IGSF9B: variants seen among roughly 807,000 people sequenced by gnomAD.
IGSF9B encodes immunoglobulin superfamily member 9B, also known as protein turtle homolog B.
IGSF9B carries 48 observed loss-of-function variants against 143.7 expected under a neutral mutation model. The observed-to-expected ratio is 0.33, with a 90% confidence interval of 0.26 to 0.42. IGSF9B has a LOEUF of 0.42. Among genes scored for constraint, IGSF9B ranks in the 20% least tolerant of loss-of-function variants. The pLI is 1.00. For missense variants in IGSF9B, 1,706 were observed against 1,980.0 expected, an observed-to-expected ratio of 0.86 and a Z score of 2.63; for synonymous variants, 903 against 833.1, an observed-to-expected ratio of 1.08 and a Z score of -1.44.
At chr11:133,915,757 C>T (rs1440958901) in intron 18 of IGSF9B, among the ~76,000 whole-genome samples, 1 of 152,210 alleles carries the variant, frequency 6.6e-6, no homozygotes, top group African/African-American at 2.4e-5. Context: ...TGACCCTGTT[C>T]AGGTGTTCCC....
At chr11:133,927,919 G>A (rs1445241578) in intron 12 of IGSF9B, among the ~76,000 whole-genome samples, 12 of 152,162 alleles carry the variant, frequency 7.9e-5, no homozygotes, top group Admixed American at 3.9e-4. Context: ...ATGAGGCAGC[G>A]GAAAGCAGTA....
Position 133,925,083 on chromosome 11 carries a change from T to C in IGSF9B, c.2035-179A>G, listed in dbSNP as rs1939600736. ...GCCAATTGCTGTGGTGTAAACACTC[T>C]TACAATGGCTGACTTCAAGCTACGA... On this transcript the variant is annotated intron_variant, in intron 14 of 19. Coordinates refer to ENST00000533871, the MANE Select transcript of IGSF9B (RefSeq NM_001277285.4). Among the ~76,000 whole-genome samples the C allele has an allele frequency of 1.3e-5, 2 of 152,160 alleles. 1 individual carries two copies. The highest frequency in any genetic ancestry group is 3.9e-4 in the East Asian group (2 of 5,186).
intron 1 of IGSF9B, among the ~76,000 whole-genome samples, chr11:133,955,836 C>A (rs908667367): frequency 1.3e-5 from 2 of 152,102 alleles, no homozygotes; most frequent in Admixed American, 1.3e-4. Context: ...CCCAGGAAAG[C>A]GGAAAGAGAA....
chr11:133,951,746 G>A (rs766711695), intron 1 of IGSF9B, among the ~76,000 whole-genome samples: 2 of 152,116 alleles, frequency 1.3e-5, no homozygotes, highest in Non-Finnish European at 2.9e-5. Context: ...AGGTGCACGC[G>A]CCCCTGCAGC....
In IGSF9B at chr11:133,930,984, C is replaced by T. The variant is rs754212212; in HGVS notation, c.1519G>A (p.Gly507Ser). The T allele has an allele frequency of 9.9e-6, 16 of 1,609,010 alleles. No homozygotes were observed. The highest frequency in any genetic ancestry group is 1.1e-5 in the South Asian group (1 of 90,266). Residue 507 changes from glycine to serine, a missense_variant and splice_region_variant, in exon 11 of 20, where the codon GGC becomes AGC. This residue lies in a region of IGSF9B where 267 missense variants were observed against 321.1 expected (regional missense o/e 0.83). Transcript: ENST00000533871. ...ITASTHLTVI[G>S]TSPHAPGSVR... ...CGGCCCAGCCTTGCCGGCCACGTACCGATGACGGTGAGGTGGGTGCTGGCA... is the reference window on the plus strand; with the variant it reads ...CGGCCCAGCCTTGCCGGCCACGTACTGATGACGGTGAGGTGGGTGCTGGCA...
intron 1 of IGSF9B, among the ~76,000 whole-genome samples, chr11:133,952,608 A>C (rs2121351691): frequency 6.6e-6 from 1 of 152,320 alleles, no homozygotes; most frequent in South Asian, 2.1e-4. Flanking sequence ...ATGTGCACAC[A>C]GGCATACATG....
At position 133,897,096 on chromosome 11, in the gene IGSF9B, G is replaced by C. The variant is rs1258989590; in HGVS notation, c.*11973C>G. On this transcript the variant is annotated 3_prime_UTR_variant, in exon 20 of 20. Transcript: ENST00000533871. The stretch of plus-strand genomic sequence containing the variant: ...GGCTGGGGGTGCCTGCCCATTGGAA[G>C]GGCCCCTTATAAATGCTTTGAGTTT... 1.3e-5 allele frequency: 2 copies of C among 152,200 alleles called. No homozygotes were observed. The highest frequency in any genetic ancestry group is 4.8e-5 in the African/African-American group (2 of 41,438). The allele number at this position is 152,200 out of a possible 1,614,324, so 9.4% of individuals were successfully genotyped here.
rs569382709 is a variant in IGSF9B, at chr11:133,937,663, CAG to C, written c.561+145_561+146del. 4.9e-4 allele frequency: 557 copies of C among 1,132,032 alleles called. 6 individuals carry two copies. The South Asian group carries it at 8.2e-3, about 17-fold the overall frequency. 70.1% of individuals were successfully genotyped at this position (1,132,032 alleles called of 1,614,324 possible). A position where few individuals can be genotyped will look rare whatever the true frequency, so the allele number is the denominator to read the frequency against. On this transcript the variant is annotated intron_variant, in intron 4 of 19. Coordinates refer to ENST00000533871, the MANE Select transcript of IGSF9B (RefSeq NM_001277285.4). ...CCTTGCCCATCTCCCGCCAGCGACA[CAG>C]AGACGCCTGCAGCTGAGCCAGGCTA...
At chr11:133,944,971 T>C (rs1318305619) in intron 2 of IGSF9B, among the ~76,000 whole-genome samples, 4 of 151,982 alleles carry the variant, frequency 2.6e-5, no homozygotes, top group Admixed American at 2.6e-4. Context: ...CCCCAGGAGA[T>C]GAGGGCAGCA....
intron 18 of IGSF9B, among the ~76,000 whole-genome samples, chr11:133,917,145 A>T (rs1939401276): frequency 6.6e-6 from 1 of 152,168 alleles, no homozygotes; most frequent in South Asian, 2.1e-4. Flanking sequence ...GGAAAGCCAG[A>T]AGCACCTGGA....
Position 133,920,461 on chromosome 11 carries a change from G to A in IGSF9B, c.3264C>T (p.Pro1088=), listed in dbSNP as rs375556263. 2.0e-5 allele frequency: 32 copies of A among 1,565,972 alleles called. No homozygotes were observed. Among genetic ancestry groups the A allele is most frequent in the African/African-American group, 9.5e-5 (7 of 73,690 alleles). Residue 1088 remains proline, a synonymous_variant, in exon 18 of 20, where the codon CCC becomes CCT. Coordinates refer to ENST00000533871, the MANE Select transcript of IGSF9B (RefSeq NM_001277285.4). ...GAGACAGGATGCCCGGGTAGGCCGC[G>A]GGCACCTGCAGGGAGGTGGGGGGCA... ...RGLPPTSLQV[P]AAYPGILSLE...
chr11:133,914,636 G>A (rs1939349338), intron 18 of IGSF9B, among the ~76,000 whole-genome samples: 1 of 152,150 alleles, frequency 6.6e-6, no homozygotes, highest in Admixed American at 6.5e-5. Flanking sequence ...TTAGCTCTGG[G>A]CTCAGCACCG....
rs1939047866 is a variant in IGSF9B at position 133,897,984 on chromosome 11, C to A, written c.*11085G>T. 6.6e-6 allele frequency: 1 copy of A among 152,168 alleles called. No individual in the cohort carries two copies. The highest frequency in any genetic ancestry group is 2.1e-4 in the South Asian group (1 of 4,818). The allele number at this position is 152,168 out of a possible 1,614,324, so 9.4% of individuals were successfully genotyped here. A position where few individuals can be genotyped will look rare whatever the true frequency, so the allele number is the denominator to read the frequency against. The stretch of plus-strand genomic sequence containing the variant: ...CGCCCCTAAGTCACCCACCCCAAAC[C>A]CCTAGGGAAAAATCAGAAAGAAGAC... On this transcript the variant is annotated 3_prime_UTR_variant, in exon 20 of 20. Transcript: ENST00000533871.
In IGSF9B at chr11:133,937,840, C is replaced by T. The variant is rs1001565066; in HGVS notation, c.531G>A (p.Gly177=). The T allele has an allele frequency of 3.7e-6, 6 of 1,610,514 alleles. No homozygotes were observed. In the Admixed American group the frequency reaches 5.0e-5, roughly 14 times the overall value. ...PKPIVTWLKE[G]TLLGASGKYQ... is the part of the protein sequence containing the mutation. Reference sequence around the variant, plus strand: ...ATTTCCCACTAGCACCGAGGAGCGTCCCCTCCTTGAGCCAGGTGACAATGG... The same window carrying T: ...ATTTCCCACTAGCACCGAGGAGCGTTCCCTCCTTGAGCCAGGTGACAATGG... Residue 177 remains glycine, a synonymous_variant, in exon 4 of 20, where the codon GGG becomes GGA. Transcript: ENST00000533871.
In IGSF9B at chr11:133,906,486, T is replaced by A. The variant is rs959798329; in HGVS notation, c.*2583A>T. On this transcript the variant is annotated 3_prime_UTR_variant, in exon 20 of 20. Transcript: ENST00000533871. Reference sequence around the variant, plus strand: ...AGGGAAGCCACAGCACAGCAGCCACTCGGTGACCAGCGAAAAGCACGGCTC... The same window carrying A: ...AGGGAAGCCACAGCACAGCAGCCACACGGTGACCAGCGAAAAGCACGGCTC... 6.6e-6 allele frequency among the ~76,000 whole-genome samples: 1 copy of A among 152,170 alleles called. No homozygotes were observed. Among genetic ancestry groups the A allele is most frequent in the Non-Finnish European group, 1.5e-5 (1 of 68,038 alleles).
chr11:133,955,658 C>T (rs1940237653), intron 1 of IGSF9B, among the ~76,000 whole-genome samples: 2 of 152,220 alleles, frequency 1.3e-5, no homozygotes, highest in Non-Finnish European at 2.9e-5. Context: ...AGCTCACAGT[C>T]CTGGCACCCT....
At position 133,931,354 on chromosome 11, in the gene IGSF9B, A is replaced by G. The variant is rs1939725083; in HGVS notation, c.1368+99T>C. ...TCGCTGGGCCCTCACACCTCCCCTC[A>G]GCCCCGGGGCTCGCTGGGCCCTCAA... On this transcript the variant is annotated intron_variant, in intron 10 of 19. Transcript: ENST00000533871. The surrounding 1 kb of genome is among the most constrained non-coding windows in gnomAD (Gnocchi z 7.7). 4 of 928,340 alleles carry G rather than the reference A, an allele frequency of 4.3e-6. 1 individual carries two copies. In the South Asian group the frequency reaches 4.8e-5, roughly 11 times the overall value. The allele number at this position is 928,340 out of a possible 1,614,324, so 57.5% of individuals were successfully genotyped here. A position where few individuals can be genotyped will look rare whatever the true frequency, so the allele number is the denominator to read the frequency against.
In IGSF9B at chr11:133,932,115, C is replaced by T. The variant is rs546112408; in HGVS notation, c.1066G>A (p.Val356Met). 151 of 1,613,772 alleles carry T rather than the reference C, an allele frequency of 9.4e-5. 2 individuals are homozygous for T. In the East Asian group the frequency reaches 2.2e-3, roughly 23 times the overall value. The change falls in exon 8 of 20, where the codon GTG (valine) becomes ATG (methionine). Residue 356 changes from valine (V) to methionine (M), a missense_variant. Transcript: ENST00000533871. ...CPVDAEPPAT[V>M]VKWNKDGRPL... ...CGGCCGTCCTTGTTCCACTTGACCA[C>T]GGTGGCCGGTGGTTCTGCGTCCACA...
chr11:133,941,512 T>C (rs899346860), intron 3 of IGSF9B, among the ~76,000 whole-genome samples: 8 of 152,352 alleles, frequency 5.3e-5, no homozygotes, highest in African/African-American at 1.9e-4. Flanking sequence ...GGTGCTTGGA[T>C]TCCTTCCTTC....
Sources: gnomAD v4.1 joint callset for allele counts (sites outside exome capture counted in the v4.1 genomes callset) on GRCh38, gnomAD v4.1.1 for gene constraint, gnomAD v4.1.1 regional missense constraint, Gnocchi (gnomAD v3.1) non-coding constraint, MANE v1.5 for transcripts, NCBI Gene and HGNC (gene_info 2026-07-23, HGNC 2026-07-21) for gene names.